XXYLT1: variants seen among roughly 807,000 people sequenced by gnomAD.
XXYLT1 encodes UDP-xylose:alpha-xyloside alpha-1,3-xylosyltransferase.
Under a neutral mutation model 28.9 loss-of-function variants are expected in XXYLT1, and 20 were observed. The ratio of observed to expected loss-of-function variants is 0.69; its 90% CI spans 0.49 to 1.00. XXYLT1 has a LOEUF of 1.00. Among genes scored for constraint, XXYLT1 ranks in the 50% least tolerant of loss-of-function variants. The pLI is 0.00. For missense variants in XXYLT1, 542 were observed against 560.1 expected, an observed-to-expected ratio of 0.97 and a Z score of 0.33; for synonymous variants, 257 against 253.8, an observed-to-expected ratio of 1.01 and a Z score of -0.12.
chr3:195,172,156 C>T (rs142265196), intron 2 of XXYLT1, among the ~76,000 whole-genome samples: 4 of 152,316 alleles, frequency 2.6e-5, no homozygotes, highest in African/African-American at 9.6e-5. Flanking sequence ...GTCAAAAGCA[C>T]TTCTAGCCCA....
At chr3:195,249,420 T>C (rs1725163976) in intron 1 of XXYLT1, among the ~76,000 whole-genome samples, 1 of 152,230 alleles carries the variant, frequency 6.6e-6, no homozygotes. Flanking sequence ...ACCAGGCGCA[T>C]GGCACGTGAC....
At chr3:195,110,878 T>TGTGTGGG (rs1717664600) in intron 3 of XXYLT1, among the ~76,000 whole-genome samples, 1 of 44,384 alleles carries the variant, frequency 2.3e-5, no homozygotes, top group African/African-American at 7.6e-5. Flanking sequence ...TGGTGTGTGG[T>TGTGTGGG]GTATGTGTGC....
chr3:195,235,535 T>C (rs956455034), intron 1 of XXYLT1, among the ~76,000 whole-genome samples: 12 of 152,208 alleles, frequency 7.9e-5, no homozygotes, highest in Non-Finnish European at 1.6e-4. Flanking sequence ...TTTAGTTCAC[T>C]TGGTGAGGTC....
In XXYLT1 at chr3:195,270,849, C is replaced by T; in HGVS notation, c.210G>A (p.Ala70=). 1 of 1,413,314 alleles carries T rather than the reference C, an allele frequency of 7.1e-7. No homozygotes were observed. Among genetic ancestry groups the T allele is most frequent in the Middle Eastern group, 2.4e-4 (1 of 4,234 alleles). The allele number at this position is 1,413,314 out of a possible 1,614,324, so 87.5% of individuals were successfully genotyped here. Residue 70 remains alanine (A), a synonymous_variant, in exon 1 of 4, where the codon GCG becomes GCA. Coordinates refer to ENST00000310380, the MANE Select transcript of XXYLT1 (RefSeq NM_152531.5). The part of the protein sequence containing the change: ...AGAPAAPSPP[A]LELARGSVAP... The stretch of plus-strand genomic sequence containing the variant: ...CCACGGAGCCCCGCGCTAGCTCCAG[C>T]GCGGGCGGCGAGGGCGCGGCGGGAG...
At chr3:195,251,637 G>A (rs1217094805) in intron 1 of XXYLT1, among the ~76,000 whole-genome samples, 4 of 152,162 alleles carry the variant, frequency 2.6e-5, no homozygotes, top group Non-Finnish European at 5.9e-5. Flanking sequence ...GAAGTCTGAG[G>A]TGGCACAAAG....
rs1553805992 is a variant in XXYLT1 at position 195,120,286 on chromosome 3, C to CCCT, written c.785+36162_785+36163insAGG. Among the ~76,000 whole-genome samples the CCCT allele has an allele frequency of 3.1e-4, 40 of 129,732 alleles. 1 individual carries two copies. The highest frequency in any genetic ancestry group is 1.0e-3 in the African/African-American group (39 of 37,244). The allele number at this position is 129,732 out of a possible 152,430, so 85.1% of individuals were successfully genotyped here. The stretch of plus-strand genomic sequence containing the variant: ...CCACTGCCCTCTGCTGCTCAGATGC[C>CCCT]CCCCCCGCCCCAGCCCCCATGGCCA... On this transcript the variant is annotated intron_variant, in intron 3 of 3. Coordinates refer to ENST00000310380, the MANE Select transcript of XXYLT1 (RefSeq NM_152531.5).
intron 3 of XXYLT1, among the ~76,000 whole-genome samples, chr3:195,126,562 A>G (rs1173373579): frequency 4.6e-5 from 7 of 152,224 alleles, no homozygotes; most frequent in Non-Finnish European, 8.8e-5. Flanking sequence ...CAATTCTGCG[A>G]CAGTCTCGGC....
intron 2 of XXYLT1, among the ~76,000 whole-genome samples, chr3:195,216,811 ATGAG>A (rs1389605782): frequency 7.5e-6 from 1 of 133,102 alleles, no homozygotes; most frequent in Non-Finnish European, 1.6e-5. Context: ...AACTCATTTT[ATGAG>A]GCCAGCATCA....
At chr3:195,178,657 T>C (rs572817593) in intron 2 of XXYLT1, among the ~76,000 whole-genome samples, 1 of 152,288 alleles carries the variant, frequency 6.6e-6, no homozygotes, top group African/African-American at 2.4e-5. Flanking sequence ...CCTCTCCCAG[T>C]GCCCAGCTCT....
At chr3:195,136,111 C>T (rs1719183382) in intron 3 of XXYLT1, among the ~76,000 whole-genome samples, 1 of 152,118 alleles carries the variant, frequency 6.6e-6, no homozygotes, top group Non-Finnish European at 1.5e-5. Flanking sequence ...TCACCAGGGC[C>T]GTCACCATGC....
intron 2 of XXYLT1, chr3:195,207,379 T>G (rs1723118590): frequency 2.3e-6 from 1 of 440,428 alleles, no homozygotes. Flanking sequence ...ACAGAGGGTT[T>G]GGAGGTTCTC....
intron 3 of XXYLT1, among the ~76,000 whole-genome samples, chr3:195,113,870 T>G (rs1362177755): frequency 6.6e-6 from 1 of 152,110 alleles, no homozygotes; most frequent in Non-Finnish European, 1.5e-5. Context: ...CAAAGAATGC[T>G]ATGAAGAAGG....
At chr3:195,259,539 C>T in intron 1 of XXYLT1, 1 of 983,880 alleles carries the variant, frequency 1.0e-6, no homozygotes, top group Non-Finnish European at 1.2e-6. Flanking sequence ...AGCAGGCGGC[C>T]GGGCTCCTCC....
intron 1 of XXYLT1, among the ~76,000 whole-genome samples, chr3:195,252,304 C>G (rs1725287143): frequency 6.6e-6 from 1 of 152,112 alleles, no homozygotes; most frequent in African/African-American, 2.4e-5. Context: ...TGAGCTTTAG[C>G]TACGTCTATA....
chr3:195,172,027 T>G (rs1376495063), intron 2 of XXYLT1, among the ~76,000 whole-genome samples: 2 of 152,222 alleles, frequency 1.3e-5, no homozygotes, highest in Non-Finnish European at 2.9e-5. Context: ...GGGATGTTCC[T>G]TTTCCAGGGG....
At chr3:195,145,769 G>A (rs771782376) in intron 3 of XXYLT1, among the ~76,000 whole-genome samples, 5 of 152,182 alleles carry the variant, frequency 3.3e-5, no homozygotes, top group African/African-American at 4.8e-5. Flanking sequence ...GGCAAATCAC[G>A]ACATACTACG....
intron 2 of XXYLT1, among the ~76,000 whole-genome samples, chr3:195,181,886 C>T (rs927721166): frequency 3.9e-5 from 6 of 152,142 alleles, no homozygotes; most frequent in East Asian, 1.9e-4. Context: ...AATGAGCTTC[C>T]GTATTTTTCT....
At chr3:195,107,634 GGGAGGAGGA>G (rs1191756044) in intron 3 of XXYLT1, among the ~76,000 whole-genome samples, 1 of 22,050 alleles carries the variant, frequency 4.5e-5, no homozygotes, top group Non-Finnish European at 1.0e-4. Context: ...GAGGAGGAGG[GGGAGGAGGA>G]GGAGGAGGAG....
intron 3 of XXYLT1, among the ~76,000 whole-genome samples, chr3:195,121,528 C>A (rs1163945701): frequency 6.6e-6 from 1 of 152,178 alleles, no homozygotes; most frequent in Non-Finnish European, 1.5e-5. Flanking sequence ...TGCTGCCTAG[C>A]CCCAAATGAC....
Sources: gnomAD v4.1 joint callset for allele counts (sites outside exome capture counted in the v4.1 genomes callset) on GRCh38, gnomAD v4.1.1 for gene constraint, MANE v1.5 for transcripts, NCBI Gene and HGNC (gene_info 2026-07-23, HGNC 2026-07-21) for gene names.